Variants in CAPZA1 observed in about 807,000 individuals in gnomAD.
CAPZA1 encodes F-actin-capping protein subunit alpha-1.
CAPZA1 carries 10 observed loss-of-function variants against 40.8 expected under a neutral mutation model. The ratio of observed to expected loss-of-function variants is 0.25; its 90% confidence interval spans 0.15 to 0.42. CAPZA1 has a LOEUF of 0.42. CAPZA1 is among the 10% of genes least tolerant of loss of function. CAPZA1 has a pLI of 1.00. For synonymous variants in CAPZA1, 98 were observed against 115.0 expected, an observed-to-expected ratio of 0.85 and a Z score of 0.95; for missense variants, 277 against 353.8, an observed-to-expected ratio of 0.78 and a Z score of 1.74.
chr1:112,648,963 C>CAAA (rs34641909), intron 2 of CAPZA1, among the ~76,000 whole-genome samples: 4,489 of 132,752 alleles, frequency 0.034, 247 homozygotes, highest in African/African-American at 0.12. Context: ...GACTTCGTCT[C>CAAA]AAAAAAAAAA....
intron 8 of CAPZA1, among the ~76,000 whole-genome samples, chr1:112,668,715 A>G (rs1200356753): frequency 6.6e-6 from 1 of 151,892 alleles, no homozygotes; most frequent in Non-Finnish European, 1.5e-5. Flanking sequence ...TGAACTCCTG[A>G]CCTCACCTGC....
intron 1 of CAPZA1, among the ~76,000 whole-genome samples, chr1:112,639,584 T>C (rs953289412): frequency 7.2e-5 from 11 of 152,190 alleles, no homozygotes; most frequent in Admixed American, 3.9e-4. Context: ...AAGCCTTCTT[T>C]ATTGCCTTTA....
At chr1:112,661,460 C>A (rs1671605692) in intron 7 of CAPZA1, among the ~76,000 whole-genome samples, 1 of 152,206 alleles carries the variant, frequency 6.6e-6, no homozygotes, top group Non-Finnish European at 1.5e-5. Flanking sequence ...CTTCTTCTGT[C>A]CCCTACTGTA....
chr1:112,647,430 A>T (rs1346046767), intron 2 of CAPZA1, among the ~76,000 whole-genome samples, 157 bp downstream of exon 2: 1 of 152,262 alleles, frequency 6.6e-6, no homozygotes, highest in Non-Finnish European at 1.5e-5. Context: ...CAGTTAGTAA[A>T]TGTCAAAGCA....
At position 112,630,787 on chromosome 1, in the gene CAPZA1, T is replaced by C. The variant is rs942486107; in HGVS notation, c.39+10904T>C. Among the ~76,000 whole-genome samples, 12 of 152,242 alleles carry C rather than the reference T, an allele frequency of 7.9e-5. 1 individual carries two copies. Among genetic ancestry groups the C allele is most frequent in the African/African-American group, 2.9e-4 (12 of 41,464 alleles). ...CTGTGCCCAGCCTGAATTAAAGTTA[T>C]TTTTAAATGCTGGCACATCTTTACT... On this transcript the variant is annotated intron_variant, in intron 1 of 9. Coordinates refer to ENST00000263168, the MANE Select transcript of CAPZA1 (RefSeq NM_006135.3).
intron 1 of CAPZA1, among the ~76,000 whole-genome samples, chr1:112,638,897 C>CATAGAT (rs71084484): frequency 0.11 from 15,778 of 139,026 alleles, 975 homozygotes; most frequent in Middle Eastern, 0.17. Flanking sequence ...AGCGAGACTC[C>CATAGAT]ATAGATATAG....
At chr1:112,627,616 G>A (rs114333537) in intron 1 of CAPZA1, among the ~76,000 whole-genome samples, 316 of 125,446 alleles carry the variant, frequency 2.5e-3, no homozygotes, top group African/African-American at 9.0e-3. Flanking sequence ...TGGCCTGGCC[G>A]ACAGTGCGAG....
At chr1:112,663,414 C>T (rs950368160) in intron 7 of CAPZA1, among the ~76,000 whole-genome samples, 1 of 152,108 alleles carries the variant, frequency 6.6e-6, no homozygotes, top group Non-Finnish European at 1.5e-5. Flanking sequence ...CATCATTTAG[C>T]CCAGTCTTTT....
intron 1 of CAPZA1, among the ~76,000 whole-genome samples, chr1:112,632,934 A>G (rs544427035): frequency 1.3e-5 from 2 of 152,346 alleles, no homozygotes; most frequent in African/African-American, 4.8e-5. Context: ...CTGATTTAAG[A>G]TATATCTTTA....
At chr1:112,627,847 C>CAGGATTGTGAG (rs1484864188) in intron 1 of CAPZA1, among the ~76,000 whole-genome samples, 1 of 151,706 alleles carries the variant, frequency 6.6e-6, no homozygotes, top group East Asian at 1.9e-4. Flanking sequence ...GTAATCCCAG[C>CAGGATTGTGAG]TACTCAGCAG....
At chr1:112,664,148 C>T (rs1267217508) in intron 7 of CAPZA1, among the ~76,000 whole-genome samples, 1 of 150,394 alleles carries the variant, frequency 6.6e-6, no homozygotes, top group Non-Finnish European at 1.5e-5. Flanking sequence ...AGGAGAATTG[C>T]TTGAACCCAG....
At chr1:112,641,418 C>G (rs1671160045) in intron 1 of CAPZA1, among the ~76,000 whole-genome samples, 1 of 151,710 alleles carries the variant, frequency 6.6e-6, no homozygotes, top group Non-Finnish European at 1.5e-5. Context: ...TTCTAAAAGA[C>G]CAGGAAAGAA....
chr1:112,650,860 G>A (rs1671373746), intron 3 of CAPZA1, among the ~76,000 whole-genome samples: 1 of 152,182 alleles, frequency 6.6e-6, no homozygotes, highest in Non-Finnish European at 1.5e-5. Context: ...TTGGTATGTA[G>A]TTCAGATACT....
At chr1:112,654,110 G>A (rs1183597872) in intron 4 of CAPZA1, among the ~76,000 whole-genome samples, 2 of 152,008 alleles carry the variant, frequency 1.3e-5, no homozygotes, top group East Asian at 3.9e-4. Flanking sequence ...TAAATGCTAA[G>A]TGTAATGGCC....
chr1:112,668,974 C>T (rs1362860476), intron 8 of CAPZA1, among the ~76,000 whole-genome samples: 2 of 152,180 alleles, frequency 1.3e-5, no homozygotes. Flanking sequence ...ATATTAAATC[C>T]TACCCTCTTC....
chr1:112,627,682 G>C (rs1226425160), intron 1 of CAPZA1, among the ~76,000 whole-genome samples: 1 of 141,886 alleles, frequency 7.0e-6, no homozygotes, highest in African/African-American at 2.6e-5. Context: ...GCCAGGCGTA[G>C]TGGTTCACGC....
chr1:112,642,202 C>CTTTTTTT (rs770352173), intron 1 of CAPZA1, among the ~76,000 whole-genome samples: 1 of 59,078 alleles, frequency 1.7e-5, no homozygotes, highest in Non-Finnish European at 2.9e-5. Context: ...TACCCCGCAC[C>CTTTTTTT]TTTTTTTTTT....
At chr1:112,651,605 T>G (rs1671386932) in intron 3 of CAPZA1, among the ~76,000 whole-genome samples, 1 of 152,238 alleles carries the variant, frequency 6.6e-6, no homozygotes, top group African/African-American at 2.4e-5. Context: ...GCTGTTTACT[T>G]GAGATGGAAT....
intron 1 of CAPZA1, among the ~76,000 whole-genome samples, chr1:112,623,202 A>G (rs1207393951): frequency 6.6e-6 from 1 of 152,094 alleles, no homozygotes; most frequent in Admixed American, 6.5e-5. Flanking sequence ...ATGCTTTTAA[A>G]CTGGATCCTT....
Sources: allele counts gnomAD v4.1 joint callset (sites outside exome capture counted in the v4.1 genomes callset), GRCh38; gene constraint gnomAD v4.1.1; transcripts MANE v1.5; gene names NCBI Gene and HGNC (gene_info 2026-07-23, HGNC 2026-07-21).